Variants in WASL observed in about 807,000 individuals in gnomAD.
WASL encodes WASP like actin nucleation promoting factor.
Under a neutral mutation model 55.5 loss-of-function variants are expected in WASL, and 20 were observed. The observed-to-expected ratio is 0.36, with a 90% CI of 0.25 to 0.52. WASL has a LOEUF of 0.52. Among genes scored for constraint, WASL ranks in the 20% least tolerant of loss-of-function variants. The pLI is 0.92. For synonymous variants in WASL, 249 were observed against 217.6 expected, an observed-to-expected ratio of 1.14 and a Z score of -1.27; for missense variants, 504 against 622.5, an observed-to-expected ratio of 0.81 and a Z score of 2.03.
chr7:123,688,662 C>A (rs2116764819), intron 10 of WASL, among the ~76,000 whole-genome samples: 1 of 152,178 alleles, frequency 6.6e-6, no homozygotes, highest in South Asian at 2.1e-4. Flanking sequence ...GCACCCAGCC[C>A]TGAATTTTTC....
chr7:123,702,145 T>A (rs1414851329), intron 5 of WASL, among the ~76,000 whole-genome samples: 1 of 150,156 alleles, frequency 6.7e-6, no homozygotes, highest in Non-Finnish European at 1.5e-5. Context: ...AACCTCCGCC[T>A]TCTGGGTTCA....
At chr7:123,733,712 C>T (rs908143411) in intron 1 of WASL, among the ~76,000 whole-genome samples, 5 of 152,072 alleles carry the variant, frequency 3.3e-5, no homozygotes, top group Non-Finnish European at 7.4e-5. Context: ...TACCTGTCTT[C>T]AAGACTTACT....
At chr7:123,729,874 A>T (rs1804109955) in intron 1 of WASL, among the ~76,000 whole-genome samples, 1 of 152,184 alleles carries the variant, frequency 6.6e-6, no homozygotes, top group South Asian at 2.1e-4. Flanking sequence ...AATAGGAAAA[A>T]AATAATAATT....
At chr7:123,688,215 C>G (rs1295989726) in intron 10 of WASL, among the ~76,000 whole-genome samples, 2 of 151,990 alleles carry the variant, frequency 1.3e-5, no homozygotes. Flanking sequence ...CTGGTTTCTT[C>G]AAATCAACCT....
At chr7:123,698,437 A>G (rs1029942598) in intron 5 of WASL, among the ~76,000 whole-genome samples, 2 of 152,154 alleles carry the variant, frequency 1.3e-5, no homozygotes, top group African/African-American at 4.8e-5. Flanking sequence ...AACAAAACTA[A>G]AACAAATTTA....
intron 1 of WASL, among the ~76,000 whole-genome samples, chr7:123,730,899 G>C (rs1699262284): frequency 6.6e-6 from 1 of 152,114 alleles, no homozygotes; most frequent in Admixed American, 6.5e-5. Context: ...TTGTCGCCCA[G>C]GTAATCAGCA....
chr7:123,722,423 A>T (rs142657647), intron 1 of WASL, among the ~76,000 whole-genome samples: 78 of 152,342 alleles, frequency 5.1e-4, no homozygotes, highest in African/African-American at 1.6e-3. Context: ...ACAGGGTATT[A>T]ATTCAATTAA....
In WASL at chr7:123,704,640, G is replaced by T; in HGVS notation, c.454C>A (p.Pro152Thr). 6.6e-7 allele frequency: 1 copy of T among 1,508,674 alleles called. No homozygotes were observed. The highest frequency in any genetic ancestry group is 1.9e-5 in the Admixed American group (1 of 52,934). 93.5% of individuals were successfully genotyped at this position (1,508,674 alleles called of 1,614,324 possible). A position where few individuals can be genotyped will look rare whatever the true frequency, so the allele number is the denominator to read the frequency against. The stretch of plus-strand genomic sequence containing the variant: ...TAATTGTCAAAAAGCTTACCATTTG[G>T]GGGATCTCGTCTTTTCTCTGTTAGA... ...QRKSEKRRDPPNGPNLPMATV... is the reference protein window; with the variant it reads ...QRKSEKRRDPTNGPNLPMATV... Residue 152 changes from proline to threonine, a missense_variant, in exon 5 of 11, where the codon CCA becomes ACA. Pro to Thr is a conservative substitution (Grantham distance 38). Coordinates refer to ENST00000223023, the MANE Select transcript of WASL (RefSeq NM_003941.4).
intron 1 of WASL, among the ~76,000 whole-genome samples, chr7:123,731,998 G>C (rs1443406571): frequency 2.6e-5 from 4 of 151,966 alleles, no homozygotes; most frequent in Non-Finnish European, 4.4e-5. Context: ...GCTTAACCAA[G>C]AAAAAAAGAG....
rs534661661 is a variant in WASL, at chr7:123,709,407, G to C, written c.118-184C>G. 2.6e-5 allele frequency among the ~76,000 whole-genome samples: 4 copies of C among 152,242 alleles called. No homozygotes were observed. The South Asian group carries it at 8.3e-4, about 32-fold the overall frequency. On this transcript the variant is annotated intron_variant, in intron 1 of 10. Transcript: ENST00000223023. ...ACTAGTTTCTGAAGTAATTTCTTAT[G>C]TAGTAATAAATAACTAATACAATAA... is the stretch of plus-strand genomic sequence containing the variant.
intron 1 of WASL, among the ~76,000 whole-genome samples, chr7:123,738,977 C>T (rs146555478): frequency 0.012 from 1,879 of 152,208 alleles, 13 homozygotes; most frequent in Non-Finnish European, 0.019. Context: ...CCATCCTGGG[C>T]CGCAGGTTGG....
At chr7:123,689,224 T>C in intron 9 of WASL, 74 bp from the exon 10 acceptor site, 2 of 1,233,652 alleles carry the variant, frequency 1.6e-6, no homozygotes, top group Non-Finnish European at 2.4e-6. Context: ...AAGTCCTACT[T>C]TCTTAGAATC....
chr7:123,729,926 G>A (rs923623121), intron 1 of WASL, among the ~76,000 whole-genome samples: 1 of 152,114 alleles, frequency 6.6e-6, no homozygotes, highest in East Asian at 1.9e-4. Context: ...AATTCATTCT[G>A]TGTGCCTTCA....
chr7:123,740,655 C>T (rs1393315767), intron 1 of WASL, among the ~76,000 whole-genome samples: 3 of 151,828 alleles, frequency 2.0e-5, no homozygotes, highest in Admixed American at 1.3e-4. Context: ...GAGTGCAATG[C>T]CCTCATCATG....
At chr7:123,735,714 T>C (rs1325572770) in intron 1 of WASL, among the ~76,000 whole-genome samples, 1 of 151,922 alleles carries the variant, frequency 6.6e-6, no homozygotes, top group Non-Finnish European at 1.5e-5. Context: ...TTTAAAGGCA[T>C]AGCAACAACT....
intron 1 of WASL, among the ~76,000 whole-genome samples, chr7:123,737,441 CAA>C (rs1804253964): frequency 1.3e-5 from 2 of 151,906 alleles, no homozygotes; most frequent in African/African-American, 4.8e-5. Context: ...ACTAAAAATA[CAA>C]AAGTTAGCTG....
chr7:123,713,586 G>A (rs569866851), intron 1 of WASL, among the ~76,000 whole-genome samples: 6 of 152,188 alleles, frequency 3.9e-5, no homozygotes, highest in Non-Finnish European at 7.4e-5. Context: ...TTATATGTAC[G>A]CATGTATCTG....
At chr7:123,740,246 A>C (rs1804315434) in intron 1 of WASL, among the ~76,000 whole-genome samples, 1 of 151,560 alleles carries the variant, frequency 6.6e-6, no homozygotes, top group African/African-American at 2.4e-5. Context: ...ATTTGATCAC[A>C]TTTTCTTGAG....
At chr7:123,725,954 A>G (rs1160498584) in intron 1 of WASL, among the ~76,000 whole-genome samples, 1 of 152,234 alleles carries the variant, frequency 6.6e-6, no homozygotes, top group Non-Finnish European at 1.5e-5. Flanking sequence ...GAAGATAAAC[A>G]GATCAGTGTT....
Sources: gnomAD v4.1 joint callset for allele counts (sites outside exome capture counted in the v4.1 genomes callset) on GRCh38, gnomAD v4.1.1 for gene constraint, MANE v1.5 for transcripts, NCBI Gene and HGNC (gene_info 2026-07-23, HGNC 2026-07-21) for gene names.